MYO7A: variants seen among roughly 807,000 people sequenced by gnomAD.
MYO7A encodes myosin VIIA.
Under a neutral mutation model 263.8 loss-of-function variants are expected in MYO7A, and 210 were observed. The ratio of observed to expected loss-of-function variants is 0.80; its 90% CI spans 0.71 to 0.89. The LOEUF is 0.89. MYO7A is among the 40% of genes least tolerant of loss of function. MYO7A has a pLI of 0.00. For synonymous variants in MYO7A, 1,239 were observed against 1,197.3 expected, an observed-to-expected ratio of 1.03 and a Z score of -0.72; for missense variants, 2,820 against 2,968.3, an observed-to-expected ratio of 0.95 and a Z score of 1.16.
intron 37 of MYO7A, 146 bp downstream of exon 37, chr11:77,202,570 C>A: frequency 1.8e-6 from 2 of 1,104,940 alleles, no homozygotes; most frequent in Non-Finnish European, 2.5e-6. Flanking sequence ...CTGTTTCTGT[C>A]TGCCAGGATG....
rs188016078 is a variant in MYO7A, at chr11:77,161,178, G to A, written c.1343+63G>A. 4.6e-5 allele frequency: 74 copies of A among 1,598,276 alleles called. No homozygotes were observed. In the East Asian group the frequency reaches 1.4e-3, roughly 30 times the overall value. ...CCAATATGGAAATAAGAAATATCAC[G>A]TCTCTCCCTTGCGAAGCACATTTAG... On this transcript the variant is annotated intron_variant, in intron 12 of 48. Coordinates refer to ENST00000409709, the MANE Select transcript of MYO7A (RefSeq NM_000260.4).
chr11:77,212,400 G>A lies in MYO7A; in HGVS notation c.6354+463G>A. ...GGAAATCCAAGTAGTGAGGGCAGGA[G>A]GCGAGAGTGGGCTGTGGAGAGCAGC... is the stretch of plus-strand genomic sequence containing the variant. On this transcript the variant is annotated intron_variant, in intron 46 of 48. Transcript: ENST00000409709. 5.6e-6 allele frequency: 2 copies of A among 359,568 alleles called. 1 individual carries two copies. Among genetic ancestry groups the A allele is most frequent in the South Asian group, 4.2e-5 (2 of 47,706 alleles). The allele number at this position is 359,568 out of a possible 1,614,324, so 22.3% of individuals were successfully genotyped here.
chr11:77,166,183 G>T, intron 15 of MYO7A, 21 bp downstream of exon 15: 1 of 1,609,562 alleles, frequency 6.2e-7, no homozygotes, highest in Non-Finnish European at 8.5e-7. Context: ...TGCGGTTTCT[G>T]TTGTTCGGGA....
chr11:77,183,154 G>C lies in MYO7A; in HGVS notation c.3372G>C (p.Glu1124Asp). 1.3e-6 allele frequency: 2 copies of C among 1,551,704 alleles called. No homozygotes were observed. Among genetic ancestry groups the C allele is most frequent in the Non-Finnish European group, 1.7e-6 (2 of 1,147,368 alleles). Residue 1124 changes from glutamate (E) to aspartate (D), a missense_variant, in exon 26 of 49, where the codon GAG becomes GAC. By Grantham distance (45) the Glu-to-Asp change is conservative. Coordinates refer to ENST00000409709, the MANE Select transcript of MYO7A (RefSeq NM_000260.4). ...LTLKKKSKLT[E>D]EVTKRLHDGE... ...TGAAAAAGAAGTCCAAGCTCACAGA[G>C]GAGGTGAGGGCAGACGCTGGGGGTC... is the stretch of plus-strand genomic sequence containing the variant.
intron 15 of MYO7A, among the ~76,000 whole-genome samples, chr11:77,168,743 G>A (rs1435046401): frequency 1.3e-5 from 2 of 152,158 alleles, no homozygotes; most frequent in African/African-American, 4.8e-5. Context: ...AGGCCGCAGT[G>A]AGTTGTGACT....
intron 30 of MYO7A, 43 bp downstream of exon 30, chr11:77,190,913 C>T: frequency 2.7e-6 from 4 of 1,508,946 alleles, no homozygotes; most frequent in Non-Finnish European, 3.6e-6. Context: ...GCACCTCCTC[C>T]CGGCCCCACT....
intron 7 of MYO7A, 27 bp from the exon 8 acceptor site, chr11:77,157,252 C>A (rs1555063723): frequency 2.9e-5 from 46 of 1,559,370 alleles, no homozygotes; most frequent in Non-Finnish European, 3.8e-5. Flanking sequence ...CCTCCCCTGG[C>A]CCCCAGCACT....
At chr11:77,209,931 C>G (rs1444327723) in intron 44 of MYO7A, among the ~76,000 whole-genome samples, 1 of 152,224 alleles carries the variant, frequency 6.6e-6, no homozygotes, top group African/African-American at 2.4e-5. Flanking sequence ...GTACCTGGCT[C>G]TCCTTCAGCT....
chr11:77,191,040 G>A (rs1381020443), intron 30 of MYO7A, 170 bp downstream of exon 30: 12 of 720,790 alleles, frequency 1.7e-5, no homozygotes, highest in East Asian at 8.4e-5. Flanking sequence ...CCGAGAACTC[G>A]GCCAGGTGCG....
chr11:77,194,656 T>C lies in MYO7A; in HGVS notation c.4323+132T>C, dbSNP rs1161229166. The C allele has an allele frequency of 6.3e-5, 60 of 950,330 alleles. No individual in the cohort carries two copies. In the South Asian group the frequency reaches 8.5e-4, roughly 13 times the overall value. 58.9% of individuals were successfully genotyped at this position (950,330 alleles called of 1,614,324 possible). A position where few individuals can be genotyped will look rare whatever the true frequency, so the allele number is the denominator to read the frequency against. On this transcript the variant is annotated intron_variant, in intron 32 of 48. Coordinates refer to ENST00000409709, the MANE Select transcript of MYO7A (RefSeq NM_000260.4). ...GCACCTTCCAGTGGCCCTTCCTTCA[T>C]TGGACATCAGCTCACTCATTCTCCT... is the stretch of plus-strand genomic sequence containing the variant.
At chr11:77,165,610 G>A (rs974441804) in intron 14 of MYO7A, among the ~76,000 whole-genome samples, 2 of 152,214 alleles carry the variant, frequency 1.3e-5, no homozygotes, top group Non-Finnish European at 2.9e-5. Flanking sequence ...GGAGCTGTGA[G>A]GGGTCTTCAT....
chr11:77,211,942 A>G lies in MYO7A; in HGVS notation c.6354+5A>G, dbSNP rs1412322487. ...TCAGCCTTCTTCGAGGTGAAGGTAC[A>G]CCATGGGCTTCTCAGAGCAGAGGAG... On this transcript the variant is annotated splice_donor_5th_base_variant and intron_variant, in intron 46 of 48. Coordinates refer to ENST00000409709, the MANE Select transcript of MYO7A (RefSeq NM_000260.4). 1 of 1,606,536 alleles carries G rather than the reference A, an allele frequency of 6.2e-7. No homozygotes were observed. Among genetic ancestry groups the G allele is most frequent in the Admixed American group, 1.7e-5 (1 of 59,962 alleles).
intron 27 of MYO7A, 80 bp from the exon 28 acceptor site, chr11:77,189,264 C>T (rs1955853697): frequency 6.3e-7 from 1 of 1,581,124 alleles, no homozygotes; most frequent in Non-Finnish European, 8.6e-7. Flanking sequence ...TGTGGCGTCC[C>T]ACTGGCTGCT....
At chr11:77,134,319 ATC>A (rs1371045088) in intron 2 of MYO7A, among the ~76,000 whole-genome samples, 3 of 152,056 alleles carry the variant, frequency 2.0e-5, no homozygotes, top group African/African-American at 7.3e-5. Context: ...TTATAGTTCT[ATC>A]TCTCCCCCTT....
Position 77,214,912 on chromosome 11 carries a change from C to T in MYO7A, c.*216C>T. On this transcript the variant is annotated 3_prime_UTR_variant, in exon 49 of 49. Transcript: ENST00000409709. Reference sequence around the variant, plus strand: ...CTTCCCTCCATCCACCCCTCTGGCACCTGGGTTGGTCTAATCCTAGTTTGC... The same window carrying T: ...CTTCCCTCCATCCACCCCTCTGGCATCTGGGTTGGTCTAATCCTAGTTTGC... The T allele has an allele frequency of 3.7e-6, 2 of 543,522 alleles. No individual in the cohort carries two copies. The highest frequency in any genetic ancestry group is 3.0e-5 in the East Asian group (1 of 32,834). 33.7% of individuals were successfully genotyped at this position (543,522 alleles called of 1,614,324 possible).
intron 6 of MYO7A, 22 bp downstream of exon 6, chr11:77,156,803 T>G: frequency 6.2e-7 from 1 of 1,613,826 alleles, no homozygotes; most frequent in South Asian, 1.1e-5. Flanking sequence ...GTTCCGAGGG[T>G]GGGACCAGGC....
rs35628412 is a variant in MYO7A, at chr11:77,133,620, T to A, written c.18+2968T>A. Among the ~76,000 whole-genome samples the A allele has an allele frequency of 6.8e-3, 1,036 of 152,334 alleles. 4 individuals are homozygous for A. The highest frequency in any genetic ancestry group is 0.01 in the Non-Finnish European group (701 of 68,032). On this transcript the variant is annotated intron_variant, in intron 2 of 48. Transcript: ENST00000409709. Reference sequence around the variant, plus strand: ...TTTGTGTCTTTGGATCTAAAGTGGATCTCTTGTAAGCAGCATATAGTTAGA... The same window carrying A: ...TTTGTGTCTTTGGATCTAAAGTGGAACTCTTGTAAGCAGCATATAGTTAGA...
In MYO7A at chr11:77,130,643, T is replaced by C; in HGVS notation, c.9T>C (p.Ile3=). 6.2e-7 allele frequency: 1 copy of C among 1,613,398 alleles called. No homozygotes were observed. Among genetic ancestry groups the C allele is most frequent in the Non-Finnish European group, 8.5e-7 (1 of 1,179,722 alleles). ...GCTCCTGACTTGGGACCATGGTGATTCTTCAGCAGGTCAGTGTTCCCACCT... is the reference window on the plus strand; with the variant it reads ...GCTCCTGACTTGGGACCATGGTGATCCTTCAGCAGGTCAGTGTTCCCACCT... The part of the protein sequence containing the change: MV[I]LQQGDHVWMD... Residue 3 remains isoleucine, a synonymous_variant, in exon 2 of 49, where the codon ATT becomes ATC. Transcript: ENST00000409709.
At chr11:77,179,664 G>A in intron 20 of MYO7A, 71 bp from the exon 21 acceptor site, 1 of 1,387,412 alleles carries the variant, frequency 7.2e-7, no homozygotes, top group Admixed American at 2.2e-5. Context: ...CGGTGCCATG[G>A]AAGCTCCTGC....
Sources: gnomAD v4.1 joint callset for allele counts (sites outside exome capture counted in the v4.1 genomes callset) on GRCh38, gnomAD v4.1.1 for gene constraint, MANE v1.5 for transcripts, NCBI Gene and HGNC (gene_info 2026-07-23, HGNC 2026-07-21) for gene names.